The following SDK1 variants were observed in gnomAD, a reference collection of about 807,000 sequenced individuals.
SDK1 encodes the protein protein sidekick-1.
A neutral mutation model predicts 245.5 loss-of-function variants in SDK1; 157 were observed. The observed-to-expected ratio is 0.64, with a 90% confidence interval of 0.56 to 0.73. SDK1 has a LOEUF of 0.73. Ranked by LOEUF, SDK1 falls within the 30% of genes least tolerant of loss-of-function variation. SDK1 has a pLI of 0.00. For missense variants in SDK1, 3,583 were observed against 3,002.3 expected, an observed-to-expected ratio of 1.19 and a Z score of -4.52; for synonymous variants, 1,647 against 1,278.5, an observed-to-expected ratio of 1.29 and a Z score of -6.15.
chr7:4,167,506 A>G (rs1031542562), intron 32 of SDK1, among the ~76,000 whole-genome samples: 5 of 152,212 alleles, frequency 3.3e-5, no homozygotes, highest in African/African-American at 1.2e-4. Context: ...GGCACAGGGA[A>G]GGTGTTTTGA....
intron 1 of SDK1, among the ~76,000 whole-genome samples, chr7:3,471,749 G>A (rs1408175610): frequency 3.3e-5 from 5 of 152,130 alleles, no homozygotes; most frequent in Non-Finnish European, 5.9e-5. Context: ...CAAGAACAGA[G>A]TAAGCTTTGT....
At position 3,405,148 on chromosome 7, in the gene SDK1, TA is replaced by T. The variant is rs796268534; in HGVS notation, c.298+103273del. Among the ~76,000 whole-genome samples the T allele has an allele frequency of 6.1e-3, 804 of 131,586 alleles. 4 individuals are homozygous for T. Among genetic ancestry groups the T allele is most frequent in the African/African-American group, 0.025 (764 of 30,016 alleles). 86.3% of individuals were successfully genotyped at this position (131,586 alleles called of 152,430 possible). A position where few individuals can be genotyped will look rare whatever the true frequency, so the allele number is the denominator to read the frequency against. On this transcript the variant is annotated intron_variant, in intron 1 of 44. Coordinates refer to ENST00000404826, the MANE Select transcript of SDK1 (RefSeq NM_152744.4). ...TGGTCTACTCAGACTTCCTCATTTGTAAAAAAAAACCAAAAAAAAAAACAAA... is the reference window on the plus strand; with the variant it reads ...TGGTCTACTCAGACTTCCTCATTTGTAAAAAAAACCAAAAAAAAAAACAAA...
At chr7:3,512,681 A>T (rs887045688) in intron 1 of SDK1, among the ~76,000 whole-genome samples, 1 of 152,184 alleles carries the variant, frequency 6.6e-6, no homozygotes, top group Non-Finnish European at 1.5e-5. Context: ...GTATCTATTA[A>T]GGTCTTTGGC....
chr7:3,705,152 G>A (rs1006215995), intron 4 of SDK1, among the ~76,000 whole-genome samples: 1 of 151,996 alleles, frequency 6.6e-6, no homozygotes, highest in African/African-American at 2.4e-5. Flanking sequence ...TTTTGCTTAG[G>A]ATTGCTTTGG....
intron 7 of SDK1, among the ~76,000 whole-genome samples, chr7:3,954,947 C>T (rs1373789033): frequency 6.6e-6 from 1 of 151,748 alleles, no homozygotes; most frequent in East Asian, 1.9e-4. Flanking sequence ...TGTGCCTCAC[C>T]ACCTATGAAA....
At chr7:4,204,383 G>A (rs1347512726) in intron 35 of SDK1, among the ~76,000 whole-genome samples, 1 of 152,186 alleles carries the variant, frequency 6.6e-6, no homozygotes, top group African/African-American at 2.4e-5. Context: ...ACAACCTGGT[G>A]TGGGCTATTA....
chr7:4,229,949 C>G (rs1217441656), intron 40 of SDK1, among the ~76,000 whole-genome samples: 1 of 148,940 alleles, frequency 6.7e-6, no homozygotes, highest in Non-Finnish European at 1.5e-5. Flanking sequence ...AAGAGGAATG[C>G]AGGGGTTGGG....
intron 14 of SDK1, among the ~76,000 whole-genome samples, chr7:3,990,526 G>C (rs992791415): frequency 6.6e-6 from 1 of 152,228 alleles, no homozygotes; most frequent in African/African-American, 2.4e-5. Context: ...CATGCTGCCT[G>C]TACGTAAAAC....
chr7:4,060,990 C>T (rs965018416), intron 19 of SDK1, among the ~76,000 whole-genome samples: 3 of 152,082 alleles, frequency 2.0e-5, no homozygotes, highest in South Asian at 2.1e-4. Flanking sequence ...TGTTCTGTTC[C>T]GTTGATCTAT....
intron 9 of SDK1, among the ~76,000 whole-genome samples, chr7:3,965,587 G>A (rs977742294): frequency 1.9e-4 from 29 of 152,176 alleles, no homozygotes; most frequent in African/African-American, 5.8e-4. Flanking sequence ...CGGCTGCTGA[G>A]CATCTGTGTC....
intron 35 of SDK1, among the ~76,000 whole-genome samples, chr7:4,189,644 G>T (rs1347812464): frequency 6.6e-6 from 1 of 152,176 alleles, no homozygotes; most frequent in Non-Finnish European, 1.5e-5. Context: ...GAGGTCAGGA[G>T]TTCGAAACCA....
chr7:3,401,012 T>A (rs1006062192), intron 1 of SDK1, among the ~76,000 whole-genome samples: 2 of 152,134 alleles, frequency 1.3e-5, no homozygotes, highest in African/African-American at 4.8e-5. Flanking sequence ...CAGTTCGAGA[T>A]GAGTAGTCAT....
At chr7:3,841,151 T>C (rs1342989074) in intron 5 of SDK1, among the ~76,000 whole-genome samples, 2 of 152,178 alleles carry the variant, frequency 1.3e-5, no homozygotes, top group East Asian at 3.8e-4. Flanking sequence ...CCTTGCCTCT[T>C]TCCTCGTACC....
intron 1 of SDK1, among the ~76,000 whole-genome samples, chr7:3,517,097 C>G (rs1782779204): frequency 6.6e-6 from 1 of 152,104 alleles, no homozygotes. Flanking sequence ...GTATGAAAAT[C>G]ATTACTGAAC....
rs138149701 is a variant in SDK1 at position 3,627,784 on chromosome 7, C to G, written c.458+8545C>G. Among the ~76,000 whole-genome samples the G allele has an allele frequency of 4.5e-4, 69 of 152,328 alleles. 1 individual carries two copies. In the East Asian group the frequency reaches 0.01, roughly 23 times the overall value. On this transcript the variant is annotated intron_variant, in intron 2 of 44. Coordinates refer to ENST00000404826, the MANE Select transcript of SDK1 (RefSeq NM_152744.4). ...CCCACAGTTGAGTCATCCTCTTCAACTGATCGATGAGTGCCTTATCTGAAG... is the reference window on the plus strand; with the variant it reads ...CCCACAGTTGAGTCATCCTCTTCAAGTGATCGATGAGTGCCTTATCTGAAG...
At position 4,003,329 on chromosome 7, in the gene SDK1, C is replaced by A. The variant is rs562328247; in HGVS notation, c.2132-7637C>A. Among the ~76,000 whole-genome samples the A allele has an allele frequency of 9.5e-4, 144 of 152,326 alleles. 2 individuals carry two copies. The highest frequency in any genetic ancestry group is 3.2e-3 in the African/African-American group (134 of 41,574). On this transcript the variant is annotated intron_variant, in intron 14 of 44. Coordinates refer to ENST00000404826, the MANE Select transcript of SDK1 (RefSeq NM_152744.4). ...CTTGGTGTTTTAGAGCAGTTTGGAG[C>A]TTACAGAACTGTTTCAAAGATGGAC... is the stretch of plus-strand genomic sequence containing the variant.
intron 4 of SDK1, among the ~76,000 whole-genome samples, chr7:3,812,808 T>G (rs116604361): frequency 1.4e-3 from 217 of 152,350 alleles, no homozygotes; most frequent in African/African-American, 5.0e-3. Context: ...AATGCAGTTG[T>G]GCTGAGCTGC....
chr7:3,389,722 G>T (rs1371470996), intron 1 of SDK1, among the ~76,000 whole-genome samples: 1 of 149,490 alleles, frequency 6.7e-6, no homozygotes, highest in East Asian at 2.0e-4. Context: ...CTGTGATCGT[G>T]CCACTGCACT....
At chr7:3,344,730 C>T (rs1385849746) in intron 1 of SDK1, among the ~76,000 whole-genome samples, 5 of 152,164 alleles carry the variant, frequency 3.3e-5, no homozygotes, top group Non-Finnish European at 7.4e-5. Context: ...GGCCTGAGCC[C>T]TGTCTAGTGT....
Sources: allele counts gnomAD v4.1 joint callset (sites outside exome capture counted in the v4.1 genomes callset), GRCh38; gene constraint gnomAD v4.1.1; transcripts MANE v1.5; gene names NCBI Gene and HGNC (gene_info 2026-07-23, HGNC 2026-07-21).